NUP54: variants seen among roughly 807,000 people sequenced by gnomAD.
The protein encoded by NUP54 is nucleoporin p54.
A neutral mutation model predicts 66.4 loss-of-function variants in NUP54; 27 were observed. The ratio of observed to expected loss-of-function variants is 0.41; its 90% CI spans 0.30 to 0.56. The LOEUF (loss-of-function observed/expected upper bound fraction) is 0.56, where lower values mean the gene tolerates loss of function less well. NUP54 is among the 20% of genes least tolerant of loss of function. NUP54 has a pLI of 0.34. For missense variants in NUP54, 486 were observed against 596.3 expected, an observed-to-expected ratio of 0.82 and a Z score of 1.93; for synonymous variants, 206 against 210.7, an observed-to-expected ratio of 0.98 and a Z score of 0.19.
At position 76,132,456 on chromosome 4, in the gene NUP54, G is replaced by A. The variant is rs1578682455; in HGVS notation, c.907+67C>T. On this transcript the variant is annotated intron_variant, in intron 6 of 11. Transcript: ENST00000264883. ...GCATTAATAACCAACCAACACCTCT[G>A]AAATACGGGGAGTGTTTAGTTCTAA... The A allele has an allele frequency of 6.5e-6, 8 of 1,239,046 alleles. No homozygotes were observed. The East Asian group carries it at 1.8e-4, about 27-fold the overall frequency. The allele number at this position is 1,239,046 out of a possible 1,614,324, so 76.8% of individuals were successfully genotyped here. A position where few individuals can be genotyped will look rare whatever the true frequency, so the allele number is the denominator to read the frequency against.
chr4:76,119,031 G>T (rs1277809503), intron 9 of NUP54, among the ~76,000 whole-genome samples: 1 of 151,870 alleles, frequency 6.6e-6, no homozygotes, highest in East Asian at 1.9e-4. Flanking sequence ...AAAAACTATG[G>T]TATGGCTTAA....
In NUP54 at chr4:76,115,411, A is replaced by G. The variant is rs1469250943; in HGVS notation, c.1479T>C (p.His493=). 11 of 1,611,264 alleles carry G rather than the reference A, an allele frequency of 6.8e-6. No homozygotes were observed. In the Admixed American group the frequency reaches 1.8e-4, roughly 27 times the overall value. The part of the protein sequence containing the change: ...DDLEDIKLVE[H]GLNETIHIRG... The stretch of plus-strand genomic sequence containing the variant: ...TGATGTGGATGGTTTCATTCAATCC[A>G]TGTTCGACCAGCTTTATATCTTCTA... Residue 493 remains histidine (H), a synonymous_variant, in exon 12 of 12, where the codon CAT becomes CAC. Coordinates refer to ENST00000264883, the MANE Select transcript of NUP54 (RefSeq NM_017426.4).
At chr4:76,145,506 TC>T in intron 1 of NUP54, 5 of 1,046,582 alleles carry the variant, frequency 4.8e-6, no homozygotes, top group Non-Finnish European at 6.2e-6. Flanking sequence ...CTACTTAGTC[TC>T]TGTCAAGACT....
chr4:76,116,261 G>A (rs568769539), intron 11 of NUP54, among the ~76,000 whole-genome samples: 1 of 152,184 alleles, frequency 6.6e-6, no homozygotes, highest in Admixed American at 6.5e-5. Flanking sequence ...AATATAATTG[G>A]TTATGTGTGT....
At chr4:76,121,850 T>C (rs1265458614) in intron 9 of NUP54, among the ~76,000 whole-genome samples, 1 of 152,212 alleles carries the variant, frequency 6.6e-6, no homozygotes, top group Non-Finnish European at 1.5e-5. Context: ...CTAGCCAGCT[T>C]ACTACATTAA....
At chr4:76,118,787 G>A (rs1264882956) in intron 9 of NUP54, among the ~76,000 whole-genome samples, 3 of 151,878 alleles carry the variant, frequency 2.0e-5, no homozygotes, top group African/African-American at 4.8e-5. Flanking sequence ...GGTGGATCAA[G>A]AGGTCAGGAG....
chr4:76,131,352 C>T, intron 6 of NUP54, 68 bp from the exon 7 acceptor site: 1 of 949,724 alleles, frequency 1.1e-6, no homozygotes, highest in Non-Finnish European at 1.6e-6. Context: ...ATGACAAAGG[C>T]TTTCCTAAAG....
chr4:76,132,678 C>G lies in NUP54; in HGVS notation c.752G>C (p.Gly251Ala). The part of the protein sequence containing the change: ...VIYVVERSPN[G>A]TSRRVPATTL... ...TGTAGCTGGAACTCTTCTTGAAGTA[C>G]CATTTGGCGAACGCTCAACAACATA... is the stretch of plus-strand genomic sequence containing the variant. The change falls in exon 6 of 12, where the codon GGT (glycine) becomes GCT (alanine). Residue 251 changes from glycine to alanine, a missense_variant. By Grantham distance (60) the Gly-to-Ala change is moderately conservative. This residue lies in a region of NUP54 where 217 missense variants were observed against 247.9 expected (regional missense o/e 0.88). Coordinates refer to ENST00000264883, the MANE Select transcript of NUP54 (RefSeq NM_017426.4). 6.2e-7 allele frequency: 1 copy of G among 1,613,680 alleles called. No homozygotes were observed. Among genetic ancestry groups the G allele is most frequent in the Non-Finnish European group, 8.5e-7 (1 of 1,179,888 alleles).
chr4:76,137,850 G>C (rs185087298), intron 3 of NUP54, among the ~76,000 whole-genome samples: 8 of 152,220 alleles, frequency 5.3e-5, no homozygotes, highest in Admixed American at 5.2e-4. Flanking sequence ...CTTTTCCTTA[G>C]AGCAAATGAT....
chr4:76,125,283 GAAACAAA>G (rs149889596), intron 8 of NUP54, among the ~76,000 whole-genome samples: 3,964 of 117,926 alleles, frequency 0.034, 140 homozygotes, highest in East Asian at 0.11. Flanking sequence ...CCATCTCACA[GAAACAAA>G]AAACAAAAAA....
At chr4:76,148,147 C>A (rs1013812682) in intron 1 of NUP54, 161 bp downstream of exon 1, 23 of 523,708 alleles carry the variant, frequency 4.4e-5, no homozygotes, top group Middle Eastern at 5.3e-4. Context: ...CCTCGGGTGC[C>A]GCCTCGGCCC....
At chr4:76,144,354 A>G (rs776971628) in intron 2 of NUP54, 36 bp downstream of exon 2, 2 of 1,597,204 alleles carry the variant, frequency 1.3e-6, no homozygotes, top group Non-Finnish European at 1.7e-6. Context: ...CCTCTACTTC[A>G]TTTACTTCTA....
intron 9 of NUP54, among the ~76,000 whole-genome samples, chr4:76,119,203 A>G (rs1156918535): frequency 6.6e-6 from 1 of 152,204 alleles, no homozygotes; most frequent in Non-Finnish European, 1.5e-5. Flanking sequence ...CTTGTTAAGA[A>G]ACAATACGAG....
intron 3 of NUP54, among the ~76,000 whole-genome samples, chr4:76,136,733 G>A (rs1731057078): frequency 6.6e-6 from 1 of 152,066 alleles, no homozygotes; most frequent in Non-Finnish European, 1.5e-5. Context: ...GAAGAGCCGC[G>A]AGCCAAGAAA....
chr4:76,141,895 C>A lies in NUP54; in HGVS notation c.295+2254G>T, dbSNP rs560730052. Among the ~76,000 whole-genome samples, 10 of 151,124 alleles carry A rather than the reference C, an allele frequency of 6.6e-5. No homozygotes were observed. In the East Asian group the frequency reaches 2.0e-3, roughly 30 times the overall value. ...TGAGGTCATTTATGCATTAAAAAAA[C>A]TGCACTGATCTAGTTATACTGGTCC... On this transcript the variant is annotated intron_variant, in intron 3 of 11. Coordinates refer to ENST00000264883, the MANE Select transcript of NUP54 (RefSeq NM_017426.4).
chr4:76,147,590 C>G, intron 1 of NUP54: 1 of 1,289,730 alleles, frequency 7.8e-7, no homozygotes, highest in South Asian at 1.2e-5. Flanking sequence ...CCGAAACCCC[C>G]AAAATTAAAC....
Position 76,130,715 on chromosome 4 carries a change from G to C in NUP54, c.997C>G (p.Leu333Val). The C allele has an allele frequency of 6.2e-7, 1 of 1,613,604 alleles. No individual in the cohort carries two copies. Among genetic ancestry groups the C allele is most frequent in the Non-Finnish European group, 8.5e-7 (1 of 1,179,720 alleles). The change falls in exon 8 of 12, where the codon CTT (leucine) becomes GTT (valine). Residue 333 changes from leucine (L) to valine (V), a missense_variant. Leu to Val is a conservative substitution (Grantham distance 32). This residue lies in a region of NUP54 where 217 missense variants were observed against 247.9 expected (regional missense o/e 0.88). Coordinates refer to ENST00000264883, the MANE Select transcript of NUP54 (RefSeq NM_017426.4). ...TCTTGAACCTTCAGTCTTCGGAGAAGTTCCTTAAAACCCACCATTGGTACA... is the reference window on the plus strand; with the variant it reads ...TCTTGAACCTTCAGTCTTCGGAGAACTTCCTTAAAACCCACCATTGGTACA... ...IPVPMVGFKELLRRLKVQDQM... is the reference protein window; with the variant it reads ...IPVPMVGFKEVLRRLKVQDQM...
chr4:76,116,734 T>C (rs1360513758), intron 11 of NUP54, among the ~76,000 whole-genome samples: 2 of 152,212 alleles, frequency 1.3e-5, no homozygotes, highest in East Asian at 3.8e-4. Context: ...AATCATTCTA[T>C]GATCTTGATA....
At chr4:76,144,323 TAA>T (rs33913434) in intron 2 of NUP54, 31 bp from the exon 3 acceptor site, 377,488 of 1,521,520 alleles carry the variant, frequency 0.25, 15,078 homozygotes, top group African/African-American at 0.47. Context: ...CTTCGTAAGT[TAA>T]AAAAAAAAAA....
Sources: allele counts gnomAD v4.1 joint callset (sites outside exome capture counted in the v4.1 genomes callset), GRCh38; gene constraint gnomAD v4.1.1; regional missense constraint gnomAD v4.1.1; transcripts MANE v1.5; gene names NCBI Gene and HGNC (gene_info 2026-07-23, HGNC 2026-07-21).